Variants in CPEB3 observed in about 807,000 individuals in gnomAD.
The protein encoded by CPEB3 is cytoplasmic polyadenylation element binding protein 3.
Under a neutral mutation model 67.2 loss-of-function variants are expected in CPEB3, and 20 were observed. The ratio of observed to expected loss-of-function variants is 0.30; its 90% CI spans 0.21 to 0.43. The LOEUF (loss-of-function observed/expected upper bound fraction) is 0.43, where lower values mean the gene tolerates loss of function less well. Among genes scored for constraint, CPEB3 ranks in the 20% least tolerant of loss-of-function variants. The pLI, the probability that CPEB3 is intolerant of heterozygous loss-of-function variation, is 1.00. For missense variants in CPEB3, 746 were observed against 968.6 expected, an observed-to-expected ratio of 0.77 and a Z score of 3.05; for synonymous variants, 376 against 393.1, an observed-to-expected ratio of 0.96 and a Z score of 0.51.
At chr10:92,105,361 C>T (rs1844394117) in intron 7 of CPEB3, among the ~76,000 whole-genome samples, 1 of 152,200 alleles carries the variant, frequency 6.6e-6, no homozygotes. Context: ...TTTAATTTCT[C>T]TCTATTCCCT....
At chr10:92,153,557 G>A (rs529333863) in intron 4 of CPEB3, among the ~76,000 whole-genome samples, 3 of 152,042 alleles carry the variant, frequency 2.0e-5, no homozygotes, top group Non-Finnish European at 2.9e-5. Context: ...AGGCCGAGGC[G>A]ATCCCCTGGG....
At chr10:92,184,800 T>C (rs1472169604) in intron 3 of CPEB3, among the ~76,000 whole-genome samples, 2 of 152,322 alleles carry the variant, frequency 1.3e-5, no homozygotes, top group Non-Finnish European at 2.9e-5. Context: ...TATATTTTCA[T>C]TGGAGAAAAA....
chr10:92,186,391 A>AAAT (rs899272488), intron 3 of CPEB3, among the ~76,000 whole-genome samples: 2 of 151,132 alleles, frequency 1.3e-5, no homozygotes, highest in African/African-American at 4.9e-5. Context: ...CCCTGTCTCA[A>AAAT]AATAATAATA....
intron 8 of CPEB3, among the ~76,000 whole-genome samples, chr10:92,088,348 C>T (rs185470369): frequency 3.3e-5 from 5 of 151,712 alleles, no homozygotes; most frequent in Non-Finnish European, 7.4e-5. Flanking sequence ...TGCCTCAGCC[C>T]CCCAAGTAGC....
intron 6 of CPEB3, among the ~76,000 whole-genome samples, chr10:92,131,394 C>A (rs1845836817): frequency 6.6e-6 from 1 of 152,150 alleles, no homozygotes; most frequent in South Asian, 2.1e-4. Flanking sequence ...CTCTTCAATT[C>A]TCAGTTAACA....
At position 92,051,257 on chromosome 10, in the gene CPEB3, T is replaced by C. The variant is rs1386459560; in HGVS notation, c.*955A>G. 1 of 152,670 alleles carries C rather than the reference T, an allele frequency of 6.6e-6. No individual in the cohort carries two copies. The highest frequency in any genetic ancestry group is 2.4e-5 in the African/African-American group (1 of 41,470). The allele number at this position is 152,670 out of a possible 1,614,324, so 9.5% of individuals were successfully genotyped here. On this transcript the variant is annotated 3_prime_UTR_variant, in exon 10 of 10. Coordinates refer to ENST00000265997, the MANE Select transcript of CPEB3 (RefSeq NM_014912.5). ...AAAAAATGAGTATTTTTATAGCTTA[T>C]ATAGATTCTTAATTTGTGCATTGTG...
chr10:92,256,957 G>A (rs1301843290), intron 1 of CPEB3, among the ~76,000 whole-genome samples: 1 of 152,112 alleles, frequency 6.6e-6, no homozygotes, highest in Admixed American at 6.6e-5. Context: ...AGAGATACTG[G>A]ATAAAAGTTT....
chr10:92,117,969 T>G (rs1430035438), intron 6 of CPEB3, among the ~76,000 whole-genome samples: 1 of 152,168 alleles, frequency 6.6e-6, no homozygotes, highest in Non-Finnish European at 1.5e-5. Flanking sequence ...AATTCTCAAA[T>G]TAAAACCCAG....
chr10:92,067,681 G>A (rs1328232569), intron 9 of CPEB3, among the ~76,000 whole-genome samples: 1 of 151,616 alleles, frequency 6.6e-6, no homozygotes, highest in African/African-American at 2.4e-5. Flanking sequence ...AGCTGGGCGT[G>A]GTGGCACGTG....
intron 1 of CPEB3, among the ~76,000 whole-genome samples, chr10:92,265,237 TG>T (rs991321469): frequency 3.2e-4 from 49 of 152,256 alleles, no homozygotes; most frequent in African/African-American, 1.1e-3. Context: ...TTGTGGTTGT[TG>T]GGCCTTTTAC....
chr10:92,106,090 A>C (rs569297407), intron 7 of CPEB3, among the ~76,000 whole-genome samples: 1 of 151,998 alleles, frequency 6.6e-6, no homozygotes, highest in African/African-American at 2.4e-5. Flanking sequence ...ACAGGATTTT[A>C]CCATGTTGGC....
chr10:92,258,498 T>C (rs1174784985), intron 1 of CPEB3, among the ~76,000 whole-genome samples: 2 of 151,482 alleles, frequency 1.3e-5, no homozygotes, highest in African/African-American at 4.9e-5. Context: ...AGCTGATGTT[T>C]ATTAGCTGGA....
intron 6 of CPEB3, among the ~76,000 whole-genome samples, chr10:92,120,370 G>T (rs916830098): frequency 1.3e-5 from 2 of 152,136 alleles, no homozygotes; most frequent in African/African-American, 4.8e-5. Flanking sequence ...GGATCACGAG[G>T]TCAGGAGATT....
chr10:92,084,606 G>C (rs1209008099), intron 8 of CPEB3, among the ~76,000 whole-genome samples: 2 of 152,098 alleles, frequency 1.3e-5, no homozygotes, highest in Non-Finnish European at 2.9e-5. Context: ...TTGAGACGGA[G>C]TCTCACTCTG....
chr10:92,282,151 C>G (rs1564931354), intron 1 of CPEB3, among the ~76,000 whole-genome samples: 1 of 152,024 alleles, frequency 6.6e-6, no homozygotes. Flanking sequence ...GATACATAAG[C>G]CAAAGAGAGG....
chr10:92,068,421 C>T (rs1172980501), intron 9 of CPEB3, among the ~76,000 whole-genome samples: 1 of 152,176 alleles, frequency 6.6e-6, no homozygotes, highest in Non-Finnish European at 1.5e-5. Context: ...CTGGCTATAA[C>T]ACAACCTCAC....
chr10:92,149,465 C>A (rs1846855777), intron 4 of CPEB3, among the ~76,000 whole-genome samples: 1 of 152,146 alleles, frequency 6.6e-6, no homozygotes, highest in South Asian at 2.1e-4. Context: ...AGTGAAGAAG[C>A]AGATGTGGAA....
At chr10:92,260,127 TTTTC>T (rs1403505715) in intron 1 of CPEB3, among the ~76,000 whole-genome samples, 7 of 152,180 alleles carry the variant, frequency 4.6e-5, no homozygotes, top group Non-Finnish European at 8.8e-5. Context: ...GTTCAGCAAC[TTTTC>T]TTTCTCCCAC....
chr10:92,105,157 A>G (rs1844383812), intron 7 of CPEB3, among the ~76,000 whole-genome samples: 1 of 152,252 alleles, frequency 6.6e-6, no homozygotes, highest in African/African-American at 2.4e-5. Flanking sequence ...TATGACACAC[A>G]TGCTGATATG....
Sources: gnomAD v4.1 joint callset for allele counts (sites outside exome capture counted in the v4.1 genomes callset) on GRCh38, gnomAD v4.1.1 for gene constraint, MANE v1.5 for transcripts, NCBI Gene and HGNC (gene_info 2026-07-23, HGNC 2026-07-21) for gene names.